The following TNNI3K variants were observed in gnomAD, a reference collection of about 807,000 sequenced individuals.
TNNI3K encodes the protein serine/threonine-protein kinase TNNI3K.
A neutral mutation model predicts 114.5 loss-of-function variants in TNNI3K; 140 were observed. The observed-to-expected ratio is 1.22, with a 90% CI of 1.07 to 1.41. TNNI3K has a LOEUF of 1.41. Among genes scored for constraint, TNNI3K ranks in the 40% most tolerant of loss-of-function variants. The pLI, the probability that TNNI3K is intolerant of heterozygous loss-of-function variation, is 0.00. For synonymous variants in TNNI3K, 347 were observed against 347.5 expected (o/e 1.00, Z 0.02); for missense variants, 1,125 against 1,007.6 (o/e 1.12, Z -1.58).
In TNNI3K at chr1:74,348,342, G is replaced by T. The variant is rs146140612; in HGVS notation, c.933-4924G>T. Among the ~76,000 whole-genome samples the T allele has an allele frequency of 2.0e-5, 3 of 152,134 alleles. No homozygotes were observed. The East Asian group carries it at 5.8e-4, about 29-fold the overall frequency. On this transcript the variant is annotated intron_variant, in intron 9 of 24. Coordinates refer to ENST00000326637, the MANE Select transcript of TNNI3K (RefSeq NM_015978.3). ...GCATTATTTCTGAGGGCTCTGTTCT[G>T]TTCCATTGGTCTATATCTCTGTTTT...
intron 23 of TNNI3K, among the ~76,000 whole-genome samples, chr1:74,502,802 A>G (rs1044529300): frequency 6.6e-6 from 1 of 152,322 alleles, no homozygotes; most frequent in East Asian, 1.9e-4. Flanking sequence ...CCCAAACTGA[A>G]CACAACTCCA....
chr1:74,489,236 C>T lies in TNNI3K; in HGVS notation c.2169C>T (p.Leu723=). 6.2e-7 allele frequency: 1 copy of T among 1,611,686 alleles called. No individual in the cohort carries two copies. The highest frequency in any genetic ancestry group is 8.5e-7 in the Non-Finnish European group (1 of 1,178,992). Residue 723 remains leucine (L), a synonymous_variant, in exon 22 of 25, where the codon CTC becomes CTT. Coordinates refer to ENST00000326637, the MANE Select transcript of TNNI3K (RefSeq NM_015978.3). ...TTGTCATGAAGTTAGAAGAGTGTCT[C>T]TGCAACATTGAGGTAAAAGCTTTAG... The part of the protein sequence containing the change: ...SEVVMKLEEC[L]CNIELMSPAS...
chr1:74,533,111 C>T (rs193041314), intron 23 of TNNI3K, among the ~76,000 whole-genome samples: 67 of 152,178 alleles, frequency 4.4e-4, no homozygotes, highest in African/African-American at 1.3e-3. Context: ...AAGAAAGTAC[C>T]GTCAGAGTGA....
chr1:74,466,573 G>A (rs1557583953), intron 21 of TNNI3K, among the ~76,000 whole-genome samples: 1 of 152,184 alleles, frequency 6.6e-6, no homozygotes, highest in Non-Finnish European at 1.5e-5. Flanking sequence ...GAGATGAAGA[G>A]GGGAAGATGA....
chr1:74,336,927 T>C (rs1356191313), intron 7 of TNNI3K, among the ~76,000 whole-genome samples: 1 of 152,146 alleles, frequency 6.6e-6, no homozygotes, highest in Non-Finnish European at 1.5e-5. Flanking sequence ...ATCGCCACAC[T>C]GACTTCCACA....
intron 23 of TNNI3K, among the ~76,000 whole-genome samples, chr1:74,539,808 A>G (rs1646703998): frequency 6.6e-6 from 1 of 151,946 alleles, no homozygotes; most frequent in Non-Finnish European, 1.5e-5. Flanking sequence ...TTATCACTAT[A>G]TCTTATTATC....
chr1:74,347,173 C>G (rs1056280942), intron 9 of TNNI3K, among the ~76,000 whole-genome samples: 5 of 119,398 alleles, frequency 4.2e-5, no homozygotes, highest in African/African-American at 1.6e-4. Flanking sequence ...ACAACAGTCT[C>G]CGGTGTGTGA....
At chr1:74,281,538 T>A (rs1168229646) in intron 5 of TNNI3K, among the ~76,000 whole-genome samples, 1 of 152,174 alleles carries the variant, frequency 6.6e-6, no homozygotes, top group Non-Finnish European at 1.5e-5. Flanking sequence ...TTAGGGAAAT[T>A]TAATGTCCCC....
chr1:74,307,894 C>T (rs1343837585), intron 5 of TNNI3K, among the ~76,000 whole-genome samples: 1 of 152,068 alleles, frequency 6.6e-6, no homozygotes, highest in Non-Finnish European at 1.5e-5. Context: ...ACCTGGGAGG[C>T]AGAGGTTGCA....
chr1:74,257,503 CT>C (rs998674559), intron 4 of TNNI3K, among the ~76,000 whole-genome samples: 9 of 151,996 alleles, frequency 5.9e-5, no homozygotes, highest in African/African-American at 2.2e-4. Flanking sequence ...ATCATGTCAT[CT>C]TCCTTTAAAG....
chr1:74,301,978 A>T (rs558027083), intron 5 of TNNI3K, among the ~76,000 whole-genome samples: 101 of 152,340 alleles, frequency 6.6e-4, no homozygotes, highest in African/African-American at 2.3e-3. Context: ...CTTCCATAGC[A>T]TACCTTGTTT....
In TNNI3K at chr1:74,364,178, A is replaced by T. The variant is rs193263936; in HGVS notation, c.1178-3078A>T. Among the ~76,000 whole-genome samples, 54 of 150,922 alleles carry T rather than the reference A, an allele frequency of 3.6e-4. 1 individual carries two copies. Among genetic ancestry groups the T allele is most frequent in the Admixed American group, 1.6e-3 (24 of 15,108 alleles). ...CCATGCCCCACTAATTTAAAAAAAA[A>T]TTTTTTTTAGAAATAGGGGTCATGC... is the stretch of plus-strand genomic sequence containing the variant. On this transcript the variant is annotated intron_variant, in intron 11 of 24. Coordinates refer to ENST00000326637, the MANE Select transcript of TNNI3K (RefSeq NM_015978.3).
At chr1:74,457,457 T>C (rs1667272975) in intron 20 of TNNI3K, among the ~76,000 whole-genome samples, 2 of 152,170 alleles carry the variant, frequency 1.3e-5, no homozygotes, top group African/African-American at 4.8e-5. Flanking sequence ...TGATACGTCA[T>C]TGAAAAGTGT....
chr1:74,410,265 T>G (rs1664818450), intron 17 of TNNI3K, among the ~76,000 whole-genome samples: 1 of 152,166 alleles, frequency 6.6e-6, no homozygotes, highest in South Asian at 2.1e-4. Context: ...TAAAGTATTA[T>G]TAATCCCTAA....
intron 17 of TNNI3K, among the ~76,000 whole-genome samples, 167 bp from the exon 18 acceptor site, chr1:74,435,913 T>A (rs934464393): frequency 6.6e-6 from 1 of 152,074 alleles, no homozygotes; most frequent in Non-Finnish European, 1.5e-5. Context: ...TATAAATAGC[T>A]GTTTTGAATC....
chr1:74,536,951 A>T (rs992434739), intron 23 of TNNI3K, among the ~76,000 whole-genome samples: 2 of 152,172 alleles, frequency 1.3e-5, no homozygotes, highest in African/African-American at 4.8e-5. Flanking sequence ...CTGGATGCAC[A>T]TGGGTGGAAA....
At chr1:74,417,801 T>C (rs1665202433) in intron 17 of TNNI3K, among the ~76,000 whole-genome samples, 1 of 151,876 alleles carries the variant, frequency 6.6e-6, no homozygotes, top group African/African-American at 2.4e-5. Flanking sequence ...TCTCAAAATA[T>C]TAATAATTGA....
At chr1:74,492,831 G>A (rs1169185453) in intron 23 of TNNI3K, among the ~76,000 whole-genome samples, 1 of 152,132 alleles carries the variant, frequency 6.6e-6, no homozygotes, top group Non-Finnish European at 1.5e-5. Context: ...CATATACTGG[G>A]TACATAAAAC....
At chr1:74,313,222 C>A (rs956001084) in intron 5 of TNNI3K, among the ~76,000 whole-genome samples, 1 of 152,166 alleles carries the variant, frequency 6.6e-6, no homozygotes, top group Non-Finnish European at 1.5e-5. Flanking sequence ...CTCATCCAGT[C>A]CCTCCTCTTT....
Sources: allele counts gnomAD v4.1 joint callset (sites outside exome capture counted in the v4.1 genomes callset), GRCh38; gene constraint gnomAD v4.1.1; transcripts MANE v1.5; gene names NCBI Gene and HGNC (gene_info 2026-07-23, HGNC 2026-07-21).